Variants in SHROOM1 observed in about 807,000 individuals in gnomAD.
SHROOM1 encodes protein Shroom1.
Under a neutral mutation model 64.2 loss-of-function variants are expected in SHROOM1, and 53 were observed. The observed-to-expected ratio is 0.83, with a 90% CI of 0.66 to 1.04. SHROOM1 has a LOEUF of 1.04. Among genes scored for constraint, SHROOM1 ranks in the 50% least tolerant of loss-of-function variants. The probability of loss-of-function intolerance (pLI) is 0.00; values close to 1 mark genes in which losing one functional copy is unlikely to be tolerated. For missense variants in SHROOM1, 1,179 were observed against 1,163.2 expected (o/e 1.01, Z -0.20); for synonymous variants, 490 against 518.9 (o/e 0.94, Z 0.76).
At position 132,823,944 on chromosome 5, in the gene SHROOM1, G is replaced by A; in HGVS notation, c.1717C>T (p.Leu573=). The change falls in exon 7 of 10, where the codon CTG becomes TTG. Residue 573 remains leucine, a synonymous_variant. Coordinates refer to ENST00000378679, the MANE Select transcript of SHROOM1 (RefSeq NM_001172700.2). This position sits in a 1 kb window ranked among gnomAD's most constrained non-coding sequence, Gnocchi z 4.6. ...TCTGCTAAAGGAATCAGTCCATCCA[G>A]CAGGCCCAGGGGTGGCTCTGGGCTG... ...QPSPEPPLGL[L]DGLIPLAEVR... The A allele has an allele frequency of 6.3e-7, 1 of 1,588,556 alleles. No individual in the cohort carries two copies. Among genetic ancestry groups the A allele is most frequent in the Non-Finnish European group, 8.6e-7 (1 of 1,167,956 alleles).
rs1200944303 is a variant in SHROOM1 at position 132,824,777 on chromosome 5, A to G, written c.1079T>C (p.Leu360Ser). 6.2e-7 allele frequency: 1 copy of G among 1,613,968 alleles called. No individual in the cohort carries two copies. The highest frequency in any genetic ancestry group is 1.3e-5 in the African/African-American group (1 of 74,908). Residue 360 changes from leucine to serine, a missense_variant, in exon 6 of 10, where the codon TTA (leucine) becomes TCA (serine). By Grantham distance (145) the Leu-to-Ser change is moderately radical. Transcript: ENST00000378679. The stretch of plus-strand genomic sequence containing the variant: ...ACTGTCAGCAGGGCTGCTCTGGGGT[A>G]ACTCTGCAGGATACATCACCGCAGC... ...KEAAVMYPAE[L>S]PQSSPADSEQ...
intron 1 of SHROOM1, among the ~76,000 whole-genome samples, chr5:132,828,533 T>A (rs2150033671): frequency 6.6e-6 from 1 of 152,262 alleles, no homozygotes; most frequent in East Asian, 1.9e-4. Context: ...CTCTTCCTAC[T>A]CTTTCTGAGT....
chr5:132,825,987 TC>T lies in SHROOM1; in HGVS notation c.153del (p.Thr52GlnfsTer7). On this transcript the variant is annotated frameshift_variant, in exon 4 of 10. Coordinates refer to ENST00000378679, the MANE Select transcript of SHROOM1 (RefSeq NM_001172700.2). LOFTEE classifies it high-confidence loss of function. This position sits in a 1 kb window ranked among gnomAD's most constrained non-coding sequence, Gnocchi z 5.1. The stretch of plus-strand genomic sequence containing the variant: ...CAGTCTAGGTAAGGAAGGAGGTCTG[TC>T]CCCGGCGACTGCGTGCGCGGCTCGG... ...GGPEPRTQSP[G>X]TDLLPYLDWD... is the part of the protein sequence containing the mutation. The T allele has an allele frequency of 2.0e-6, 3 of 1,525,714 alleles. No individual in the cohort carries two copies. The highest frequency in any genetic ancestry group is 2.6e-5 in the East Asian group (1 of 37,982). The allele number at this position is 1,525,714 out of a possible 1,614,324, so 94.5% of individuals were successfully genotyped here. A position where few individuals can be genotyped will look rare whatever the true frequency, so the allele number is the denominator to read the frequency against.
At chr5:132,829,541 G>A in intron 1 of SHROOM1, 3 of 974,740 alleles carry the variant, frequency 3.1e-6, no homozygotes, top group Non-Finnish European at 3.7e-6. Context: ...TAAGGCGACC[G>A]AGGAGGCACA....
In SHROOM1 at chr5:132,830,384, AGCTGGGAGAGGCGC is replaced by A. The variant is rs1758809437; in HGVS notation, c.-501+196_-501+209del. The A allele has an allele frequency of 6.1e-6, 6 of 984,788 alleles. No individual in the cohort carries two copies. Among genetic ancestry groups the A allele is most frequent in the Non-Finnish European group, 7.2e-6 (6 of 829,706 alleles). The allele number at this position is 984,788 out of a possible 1,614,324, so 61.0% of individuals were successfully genotyped here. On this transcript the variant is annotated intron_variant, in intron 1 of 9. Transcript: ENST00000378679. This position sits in a 1 kb window ranked among gnomAD's most constrained non-coding sequence, Gnocchi z 5.9. ...CCGCCTCTCCGCCCTGCAGCTCTGC[AGCTGGGAGAGGCGC>A]GCTGGGGTCCGACTCCACTGGCGCA... is the stretch of plus-strand genomic sequence containing the variant.
intron 1 of SHROOM1, among the ~76,000 whole-genome samples, chr5:132,829,244 A>C (rs1758784585): frequency 1.3e-5 from 2 of 152,212 alleles, no homozygotes; most frequent in African/African-American, 4.8e-5. Flanking sequence ...GAGAGGAAGG[A>C]GACGAAGATG....
At position 132,823,889 on chromosome 5, in the gene SHROOM1, C is replaced by A. The variant is rs1165153133; in HGVS notation, c.1772G>T (p.Gly591Val). The A allele has an allele frequency of 1.8e-5, 28 of 1,537,892 alleles. No homozygotes were observed. The highest frequency in any genetic ancestry group is 2.3e-5 in the Non-Finnish European group (26 of 1,143,090). The change falls in exon 7 of 10, where the codon GGG (glycine) becomes GTG (valine). Residue 591 changes from glycine to valine, a missense_variant. Physicochemically the swap from Gly to Val is moderately radical, Grantham distance 109. Transcript: ENST00000378679. The surrounding 1 kb of genome is among the most constrained non-coding windows in gnomAD (Gnocchi z 4.6). The stretch of plus-strand genomic sequence containing the variant: ...ACTGGCAGCCTCCTCTCCAGCCTCC[C>A]CACAGGCAGGCCGCATTGCAGCCCG... ...EVRAAMRPAC[G>V]EAGEEAASTF...
At chr5:132,829,781 C>A (rs539741123) in intron 1 of SHROOM1, 10 of 985,456 alleles carry the variant, frequency 1.0e-5, no homozygotes, top group South Asian at 4.7e-5. Flanking sequence ...TCTGGCTAGG[C>A]GGACGTTCTG....
At chr5:132,824,588 C>A in intron 6 of SHROOM1, 27 bp downstream of exon 6, 1 of 1,594,794 alleles carries the variant, frequency 6.3e-7, no homozygotes, top group Non-Finnish European at 8.6e-7. Flanking sequence ...GGGTGCCTCA[C>A]GATGCTTGGA....
At chr5:132,827,127 G>C (rs1227429578) in intron 2 of SHROOM1, among the ~76,000 whole-genome samples, 1 of 152,178 alleles carries the variant, frequency 6.6e-6, no homozygotes, top group Non-Finnish European at 1.5e-5. Context: ...TTCTCCTGTA[G>C]GACTCAGCTT....
At chr5:132,824,981 C>T (rs902164546) in intron 5 of SHROOM1, 37 bp downstream of exon 5, 1 of 1,610,456 alleles carries the variant, frequency 6.2e-7, no homozygotes, top group African/African-American at 1.3e-5. Context: ...CAAGCTGCTT[C>T]CCCCCAACTT....
At chr5:132,824,973 A>C (rs1324102261) in intron 5 of SHROOM1, 45 bp downstream of exon 5, 20 of 1,609,490 alleles carry the variant, frequency 1.2e-5, no homozygotes, top group Non-Finnish European at 1.7e-5. Context: ...AAGCTATGCA[A>C]GCTGCTTCCC....
In SHROOM1 at chr5:132,823,390, G is replaced by T; in HGVS notation, c.2086C>A (p.Pro696Thr). The change falls in exon 9 of 10, where the codon CCT becomes ACT. Residue 696 changes from proline to threonine, a missense_variant. Physicochemically the swap from Pro to Thr is conservative, Grantham distance 38. Transcript: ENST00000378679. This position sits in a 1 kb window ranked among gnomAD's most constrained non-coding sequence, Gnocchi z 4.6. ...LEAAVRQACAPQELERFSRFM... is the reference protein window; with the variant it reads ...LEAAVRQACATQELERFSRFM... ...CGGCTGAACCGCTCCAGCTCCTGAG[G>T]GGCACAGGCCTGGCGCACTGCAGCC... 6.2e-7 allele frequency: 1 copy of T among 1,610,234 alleles called. No homozygotes were observed.
In SHROOM1 at chr5:132,823,772, CA is replaced by C. The variant is rs199802531; in HGVS notation, c.1812-9del. On this transcript the variant is annotated splice_polypyrimidine_tract_variant and intron_variant, in intron 7 of 9. Coordinates refer to ENST00000378679, the MANE Select transcript of SHROOM1 (RefSeq NM_001172700.2). This position sits in a 1 kb window ranked among gnomAD's most constrained non-coding sequence, Gnocchi z 4.6. ...AAGCTGAACTGATAGGACCTGGGAA[CA>C]AAACCAGAGCTCCCTGGGTTTCCTG... is the stretch of plus-strand genomic sequence containing the variant. 1.1e-3 allele frequency: 1,641 copies of C among 1,555,734 alleles called. 30 individuals are homozygous for C. The East Asian group carries it at 0.026, about 25-fold the overall frequency.
At position 132,825,223 on chromosome 5, in the gene SHROOM1, G is replaced by A. The variant is rs1196557659; in HGVS notation, c.918C>T (p.Ser306=). 1.2e-6 allele frequency: 2 copies of A among 1,613,950 alleles called. No individual in the cohort carries two copies. Among genetic ancestry groups the A allele is most frequent in the African/African-American group, 1.3e-5 (1 of 74,926 alleles). ...AGGAACCCAAGACTTCGCCTGAAGC[G>A]CTCCGACTCCGACTGGCGGGCCTGA... The part of the protein sequence containing the change: ...DAFRPASRSR[S]ASGEVLGSWG... Residue 306 remains serine (S), a synonymous_variant, in exon 4 of 10, where the codon AGC becomes AGT. Coordinates refer to ENST00000378679, the MANE Select transcript of SHROOM1 (RefSeq NM_001172700.2). The surrounding 1 kb of genome is among the most constrained non-coding windows in gnomAD (Gnocchi z 5.1).
In SHROOM1 at chr5:132,825,964, GT is replaced by G. The variant is rs774040198; in HGVS notation, c.176del (p.Asp59AlafsTer49). ...SPGTDLLPYLDWDYVRVVWGG... is the reference protein window; with the variant it reads ...SPGTDLLPYLXWDYVRVVWGG... Reference sequence around the variant, plus strand: ...CCCAAACCACACGCACGTAGTCCCAGTCTAGGTAAGGAAGGAGGTCTGTCCC... The same window carrying G: ...CCCAAACCACACGCACGTAGTCCCAGCTAGGTAAGGAAGGAGGTCTGTCCC... On this transcript the variant is annotated frameshift_variant, in exon 4 of 10. Transcript: ENST00000378679. LOFTEE classifies it high-confidence loss of function. The surrounding 1 kb of genome is among the most constrained non-coding windows in gnomAD (Gnocchi z 5.1). The G allele has an allele frequency of 6.8e-7, 1 of 1,481,108 alleles. No homozygotes were observed. The highest frequency in any genetic ancestry group is 9.0e-7 in the Non-Finnish European group (1 of 1,112,620). The allele number at this position is 1,481,108 out of a possible 1,614,324, so 91.7% of individuals were successfully genotyped here. A position where few individuals can be genotyped will look rare whatever the true frequency, so the allele number is the denominator to read the frequency against.
Position 132,823,044 on chromosome 5 carries a change from G to C in SHROOM1, c.2311C>G (p.Arg771Gly). ...ELKEHVARRE[R>G]AVREVLVRAL... is the part of the protein sequence containing the mutation. ...CGCACCAGCACCTCCCGCACGGCCC[G>C]CTCGCGCCGCGCTACGTGCTCCTTC... The change falls in exon 10 of 10, where the codon CGG (arginine) becomes GGG (glycine). Residue 771 changes from arginine (R) to glycine (G), a missense_variant. Arg to Gly is a moderately radical substitution (Grantham distance 125). Transcript: ENST00000378679. This position sits in a 1 kb window ranked among gnomAD's most constrained non-coding sequence, Gnocchi z 4.6. 3.8e-6 allele frequency: 6 copies of C among 1,597,946 alleles called. No homozygotes were observed. Among genetic ancestry groups the C allele is most frequent in the Non-Finnish European group, 5.1e-6 (6 of 1,178,578 alleles).
In SHROOM1 at chr5:132,826,057, G is replaced by A. The variant is rs1172761846; in HGVS notation, c.84C>T (p.Arg28=). 3.9e-5 allele frequency: 58 copies of A among 1,468,708 alleles called. No individual in the cohort carries two copies. Among genetic ancestry groups the A allele is most frequent in the Non-Finnish European group, 4.6e-5 (51 of 1,111,152 alleles). 91.0% of individuals were successfully genotyped at this position (1,468,708 alleles called of 1,614,324 possible). A position where few individuals can be genotyped will look rare whatever the true frequency, so the allele number is the denominator to read the frequency against. The change falls in exon 4 of 10, where the codon CGC becomes CGT. Residue 28 remains arginine (R), a synonymous_variant. Transcript: ENST00000378679. The part of the protein sequence containing the change: ...SSLDLWHLSM[R]ADSAYSSFSA... The stretch of plus-strand genomic sequence containing the variant: ...AGAAAGAGCTGTAGGCCGAGTCCGC[G>A]CGCATGGACAGATGCCACAGGTCCA...
rs777011671 is a variant in SHROOM1, at chr5:132,823,208, C to A, written c.2226+42G>T. 1 of 1,562,372 alleles carries A rather than the reference C, an allele frequency of 6.4e-7. No homozygotes were observed. The highest frequency in any genetic ancestry group is 1.4e-5 in the African/African-American group (1 of 73,898). ...AATGGTTCCAGCCGGAGACAGCAGGCCCCTCACCGCCCTACTCGCTTGCAA... is the reference window on the plus strand; with the variant it reads ...AATGGTTCCAGCCGGAGACAGCAGGACCCTCACCGCCCTACTCGCTTGCAA... On this transcript the variant is annotated intron_variant, in intron 9 of 9. Transcript: ENST00000378679. This position sits in a 1 kb window ranked among gnomAD's most constrained non-coding sequence, Gnocchi z 4.6.
Sources: gnomAD v4.1 joint callset for allele counts (sites outside exome capture counted in the v4.1 genomes callset) on GRCh38, gnomAD v4.1.1 for gene constraint, Gnocchi (gnomAD v3.1) non-coding constraint, MANE v1.5 for transcripts, NCBI Gene and HGNC (gene_info 2026-07-23, HGNC 2026-07-21) for gene names.